The following PDE4D variants were observed in gnomAD, a reference collection of about 807,000 sequenced individuals.
The protein encoded by PDE4D is 3',5'-cyclic-AMP phosphodiesterase 4D.
PDE4D carries 24 observed loss-of-function variants against 87.4 expected under a neutral mutation model. That is an observed-to-expected ratio of 0.27 (90% CI 0.20 to 0.39). The LOEUF (loss-of-function observed/expected upper bound fraction) is 0.39. Among genes scored for constraint, PDE4D ranks in the 10% least tolerant of loss-of-function variants. The pLI, the probability that PDE4D is intolerant of heterozygous loss-of-function variation, is 1.00. For missense variants in PDE4D, 714 were observed against 1,041.0 expected (o/e 0.69, Z 4.32); for synonymous variants, 384 against 383.2 (o/e 1.00, Z -0.02).
At position 59,534,494 on chromosome 5, in the gene PDE4D, G is replaced by A. The variant is rs139923923; in HGVS notation, c.456-318526C>T. 5.0e-3 allele frequency among the ~76,000 whole-genome samples: 764 copies of A among 152,308 alleles called. 8 individuals carry two copies. Among genetic ancestry groups the A allele is most frequent in the African/African-American group, 0.017 (702 of 41,556 alleles). On this transcript the variant is annotated intron_variant, in intron 1 of 14. Coordinates refer to ENST00000340635, the MANE Select transcript of PDE4D (RefSeq NM_001104631.2). ...TTCAACAGAACCAAGGGCAGGGTCCGAGATGACAAGGTCTGTTTCAGCTGG... is the reference window on the plus strand; with the variant it reads ...TTCAACAGAACCAAGGGCAGGGTCCAAGATGACAAGGTCTGTTTCAGCTGG...
chr5:59,463,453 T>C lies in PDE4D; in HGVS notation c.456-247485A>G, dbSNP rs140300502. 2.0e-4 allele frequency among the ~76,000 whole-genome samples: 30 copies of C among 152,316 alleles called. No individual in the cohort carries two copies. The East Asian group carries it at 4.8e-3, about 24-fold the overall frequency. The stretch of plus-strand genomic sequence containing the variant: ...GATTCACATTATAAAAATTCATTAC[T>C]GATGCAAACCTGGTTCCCATGATGT... On this transcript the variant is annotated intron_variant, in intron 1 of 14. Coordinates refer to ENST00000340635, the MANE Select transcript of PDE4D (RefSeq NM_001104631.2).
intron 1 of PDE4D, among the ~76,000 whole-genome samples, chr5:59,850,755 G>A (rs145654675): frequency 2.0e-5 from 3 of 152,126 alleles, no homozygotes; most frequent in African/African-American, 7.2e-5. Context: ...CGTTTTGAAA[G>A]GGATGACATT....
intron 1 of PDE4D, among the ~76,000 whole-genome samples, chr5:59,614,826 G>C (rs1579858330): frequency 6.6e-6 from 1 of 151,810 alleles, no homozygotes; most frequent in Middle Eastern, 3.4e-3. Context: ...TTCAAAATGT[G>C]GCTTTCATTT....
intron 2 of PDE4D, among the ~76,000 whole-genome samples, chr5:59,995,882 G>C (rs1763483305): frequency 6.6e-6 from 1 of 152,168 alleles, no homozygotes. Context: ...TCTTGCTGAG[G>C]AAAGAGTGAA....
At chr5:59,854,350 T>C (rs13178939) in intron 1 of PDE4D, among the ~76,000 whole-genome samples, 1 of 152,070 alleles carries the variant, frequency 6.6e-6, no homozygotes, top group Non-Finnish European at 1.5e-5. Flanking sequence ...CCTTTTATTG[T>C]CTTGTAAAAC....
intron 2 of PDE4D, 135 bp downstream of exon 2, chr5:59,215,642 T>C: frequency 1.4e-6 from 1 of 712,704 alleles, no homozygotes. Context: ...TTCTAGCTTG[T>C]ATAATTTTAT....
At chr5:60,089,234 A>G (rs187643884) in intron 2 of PDE4D, among the ~76,000 whole-genome samples, 1 of 152,222 alleles carries the variant, frequency 6.6e-6, no homozygotes. Flanking sequence ...TAGCTGAAGA[A>G]TGCACATTTT....
chr5:60,295,449 A>G (rs1160667305), intron 1 of PDE4D, among the ~76,000 whole-genome samples: 1 of 152,176 alleles, frequency 6.6e-6, no homozygotes, highest in Non-Finnish European at 1.5e-5. Context: ...GCAGTCTTTC[A>G]TCTTTAATTA....
chr5:59,287,513 G>A (rs1182488670), intron 1 of PDE4D, among the ~76,000 whole-genome samples: 1 of 152,144 alleles, frequency 6.6e-6, no homozygotes, highest in Non-Finnish European at 1.5e-5. Flanking sequence ...AAGGATACAA[G>A]CCTGGCTGGC....
chr5:60,495,470 T>C (rs1054295694), intron 1 of PDE4D, among the ~76,000 whole-genome samples: 1 of 152,184 alleles, frequency 6.6e-6, no homozygotes, highest in Non-Finnish European at 1.5e-5. Context: ...CCCACCACCA[T>C]GCGTCAATGT....
chr5:59,539,713 T>C (rs1815952588), intron 1 of PDE4D, among the ~76,000 whole-genome samples: 1 of 152,176 alleles, frequency 6.6e-6, no homozygotes, highest in African/African-American at 2.4e-5. Context: ...TAGCTGGCTA[T>C]ACTTCTCTGC....
At chr5:60,182,789 A>C (rs1320634145) in intron 2 of PDE4D, among the ~76,000 whole-genome samples, 1 of 152,032 alleles carries the variant, frequency 6.6e-6, no homozygotes, top group Non-Finnish European at 1.5e-5. Flanking sequence ...CTGAGGCAGG[A>C]GAATGGCGTG....
chr5:59,172,291 T>A (rs1783104352), intron 5 of PDE4D, among the ~76,000 whole-genome samples: 2 of 130,342 alleles, frequency 1.5e-5, no homozygotes, highest in African/African-American at 5.8e-5. Context: ...AATATATATT[T>A]ATATAAGAAA....
intron 2 of PDE4D, among the ~76,000 whole-genome samples, chr5:60,176,145 T>C (rs1783882465): frequency 6.6e-6 from 1 of 152,134 alleles, no homozygotes; most frequent in African/African-American, 2.4e-5. Flanking sequence ...CCACCTCCAG[T>C]GTGTCACATT....
Position 59,688,134 on chromosome 5 carries a change from C to T in PDE4D, c.455+205034G>A, listed in dbSNP as rs546426709. Among the ~76,000 whole-genome samples the T allele has an allele frequency of 1.1e-4, 17 of 152,206 alleles. No homozygotes were observed. In the South Asian group the frequency reaches 3.5e-3, roughly 32 times the overall value. On this transcript the variant is annotated intron_variant, in intron 1 of 14. Coordinates refer to ENST00000340635, the MANE Select transcript of PDE4D (RefSeq NM_001104631.2). ...CAATAATAAAGAGAGACTGTAACAC[C>T]CCACTGTCAACATCGGATAGATCAA...
chr5:60,216,075 T>C (rs1743823516), intron 1 of PDE4D, among the ~76,000 whole-genome samples: 1 of 152,124 alleles, frequency 6.6e-6, no homozygotes. Context: ...TGGGAGATTC[T>C]GGGGCCCCTA....
At chr5:59,177,030 T>C (rs1784011244) in intron 5 of PDE4D, among the ~76,000 whole-genome samples, 1 of 152,206 alleles carries the variant, frequency 6.6e-6, no homozygotes, top group African/African-American at 2.4e-5. Context: ...GTTTGTGTCT[T>C]TGTCCTATTC....
At chr5:59,592,240 A>T in intron 1 of PDE4D, 5 of 668,942 alleles carry the variant, frequency 7.5e-6, no homozygotes, top group Middle Eastern at 7.7e-4. Flanking sequence ...AACGATGTTG[A>T]TAGTCATGAC....
At chr5:59,920,296 C>T (rs1754526147) in intron 3 of PDE4D, among the ~76,000 whole-genome samples, 1 of 152,176 alleles carries the variant, frequency 6.6e-6, no homozygotes, top group Non-Finnish European at 1.5e-5. Flanking sequence ...TAATTCTTAT[C>T]TCTGCCATTT....
Sources: gnomAD v4.1 joint callset for allele counts (sites outside exome capture counted in the v4.1 genomes callset) on GRCh38, gnomAD v4.1.1 for gene constraint, MANE v1.5 for transcripts, NCBI Gene and HGNC (gene_info 2026-07-23, HGNC 2026-07-21) for gene names.